LRRTM4: variants seen among roughly 807,000 people sequenced by gnomAD.
LRRTM4 encodes leucine rich repeat transmembrane neuronal 4, also known as leucine-rich repeat transmembrane neuronal protein 4.
LRRTM4 carries 25 observed loss-of-function variants against 47.6 expected under a neutral mutation model. That is an observed-to-expected ratio of 0.53 (90% CI 0.38 to 0.73). LRRTM4 has a LOEUF of 0.73. Ranked by LOEUF, LRRTM4 falls within the 30% of genes least tolerant of loss-of-function variation. The probability of loss-of-function intolerance (pLI) is 0.00; values close to 1 mark genes in which losing one functional copy is unlikely to be tolerated. For missense variants in LRRTM4, 638 were observed against 713.4 expected (o/e 0.89, Z 1.20); for synonymous variants, 311 against 269.5 (o/e 1.15, Z -1.51).
At chr2:77,095,380 G>A (rs1670778079) in intron 3 of LRRTM4, among the ~76,000 whole-genome samples, 1 of 152,020 alleles carries the variant, frequency 6.6e-6, no homozygotes, top group Admixed American at 6.6e-5. Flanking sequence ...ATTACCATAT[G>A]ATCCAGCAAT....
At chr2:77,083,295 G>A (rs1197606516) in intron 3 of LRRTM4, among the ~76,000 whole-genome samples, 2 of 152,074 alleles carry the variant, frequency 1.3e-5, no homozygotes, top group African/African-American at 4.8e-5. Context: ...TAAAAGCTTT[G>A]GGTTGAGCTC....
intron 3 of LRRTM4, among the ~76,000 whole-genome samples, chr2:77,161,501 A>G (rs1672727468): frequency 6.6e-6 from 1 of 152,152 alleles, no homozygotes; most frequent in African/African-American, 2.4e-5. Flanking sequence ...TTGTTGTCTC[A>G]GTGTTTGGCT....
intron 3 of LRRTM4, among the ~76,000 whole-genome samples, chr2:77,254,608 G>T (rs1451940740): frequency 1.3e-5 from 2 of 151,738 alleles, no homozygotes; most frequent in African/African-American, 4.8e-5. Context: ...GCCAAATGCG[G>T]TTCTCAATAA....
chr2:76,974,223 C>CACATATATAT lies in LRRTM4; in HGVS notation c.1552-225308_1552-225307insATATATATGT, dbSNP rs1553438779. On this transcript the variant is annotated intron_variant, in intron 3 of 3. Transcript: ENST00000409884. ...ATATATATATATACACATATATATA[C>CACATATATAT]ATACATATATATATATACATATATA... Among the ~76,000 whole-genome samples the CACATATATAT allele has an allele frequency of 6.4e-3, 740 of 115,962 alleles. 8 individuals carry two copies. The highest frequency in any genetic ancestry group is 0.036 in the Middle Eastern group (8 of 222). The allele number at this position is 115,962 out of a possible 152,430, so 76.1% of individuals were successfully genotyped here. A position where few individuals can be genotyped will look rare whatever the true frequency, so the allele number is the denominator to read the frequency against.
intron 3 of LRRTM4, among the ~76,000 whole-genome samples, chr2:77,239,176 A>C (rs191549773): frequency 6.6e-6 from 1 of 152,118 alleles, no homozygotes; most frequent in Non-Finnish European, 1.5e-5. Context: ...AAGATATGGT[A>C]GGTTTATTGT....
At chr2:76,896,423 C>T (rs1015074584) in intron 3 of LRRTM4, among the ~76,000 whole-genome samples, 1 of 151,948 alleles carries the variant, frequency 6.6e-6, no homozygotes, top group Non-Finnish European at 1.5e-5. Flanking sequence ...TTCTACTTGA[C>T]CCTGATCCAG....
intron 3 of LRRTM4, among the ~76,000 whole-genome samples, chr2:77,511,886 A>C (rs5007084): frequency 0.57 from 87,359 of 151,940 alleles, 25,773 homozygotes; most frequent in Non-Finnish European, 0.64. Flanking sequence ...CTGTCATTTC[A>C]TTCCTCAAAC....
intron 3 of LRRTM4, among the ~76,000 whole-genome samples, chr2:76,777,696 C>T (rs1468282102): frequency 2.0e-5 from 3 of 150,360 alleles, no homozygotes; most frequent in Admixed American, 6.6e-5. Flanking sequence ...ACAATCATGT[C>T]GTCTGCAAAC....
At chr2:77,109,471 A>C (rs1421132042) in intron 3 of LRRTM4, among the ~76,000 whole-genome samples, 1 of 152,188 alleles carries the variant, frequency 6.6e-6, no homozygotes, top group East Asian at 1.9e-4. Context: ...ATTGATTTGG[A>C]GACTGAATTT....
At chr2:77,084,707 A>G (rs554735254) in intron 3 of LRRTM4, among the ~76,000 whole-genome samples, 1 of 152,294 alleles carries the variant, frequency 6.6e-6, no homozygotes, top group African/African-American at 2.4e-5. Flanking sequence ...TGGTGTCATC[A>G]TGAGATAGTT....
intron 3 of LRRTM4, among the ~76,000 whole-genome samples, chr2:77,394,626 A>C (rs1004285568): frequency 6.6e-6 from 1 of 151,956 alleles, no homozygotes; most frequent in African/African-American, 2.4e-5. Flanking sequence ...CACATACACA[A>C]CAAGTTACAG....
At chr2:76,771,363 T>C (rs1458953459) in intron 3 of LRRTM4, among the ~76,000 whole-genome samples, 3 of 152,050 alleles carry the variant, frequency 2.0e-5, no homozygotes. Context: ...AAGAAAACAA[T>C]GGCTGACTCA....
intron 3 of LRRTM4, among the ~76,000 whole-genome samples, chr2:77,487,342 G>A (rs1394132503): frequency 6.6e-6 from 1 of 152,150 alleles, no homozygotes; most frequent in Non-Finnish European, 1.5e-5. Context: ...GGCTTCTCCC[G>A]ACTCCCAGTA....
chr2:77,408,589 G>A (rs1674300437), intron 3 of LRRTM4, among the ~76,000 whole-genome samples: 1 of 152,104 alleles, frequency 6.6e-6, no homozygotes, highest in South Asian at 2.1e-4. Flanking sequence ...AGTAATTACA[G>A]CAACTGGACC....
At chr2:77,437,295 T>G (rs1388533389) in intron 3 of LRRTM4, among the ~76,000 whole-genome samples, 1 of 152,044 alleles carries the variant, frequency 6.6e-6, no homozygotes, top group African/African-American at 2.4e-5. Flanking sequence ...CATGAGAAAT[T>G]TTAAATATGC....
chr2:77,306,990 C>T (rs1344456232), intron 3 of LRRTM4, among the ~76,000 whole-genome samples: 1 of 146,930 alleles, frequency 6.8e-6, no homozygotes, highest in Non-Finnish European at 1.5e-5. Flanking sequence ...AGCTCCGCCT[C>T]CCGGGTTCAC....
chr2:77,146,664 C>T (rs1376467137), intron 3 of LRRTM4, among the ~76,000 whole-genome samples: 2 of 152,074 alleles, frequency 1.3e-5, no homozygotes, highest in Non-Finnish European at 2.9e-5. Flanking sequence ...AGGTGAAATG[C>T]AGATATTCCA....
chr2:76,895,588 C>G (rs1673386441), intron 3 of LRRTM4, among the ~76,000 whole-genome samples: 1 of 152,008 alleles, frequency 6.6e-6, no homozygotes, highest in Non-Finnish European at 1.5e-5. Context: ...TTAAATATTC[C>G]TCTACTTTTA....
intron 3 of LRRTM4, among the ~76,000 whole-genome samples, chr2:76,913,303 C>A (rs1300880247): frequency 1.3e-5 from 2 of 150,926 alleles, no homozygotes; most frequent in African/African-American, 4.9e-5. Context: ...AAGCTTATTA[C>A]TGGGTATTTT....
Sources: allele counts gnomAD v4.1 joint callset (sites outside exome capture counted in the v4.1 genomes callset), GRCh38; gene constraint gnomAD v4.1.1; transcripts MANE v1.5; gene names NCBI Gene and HGNC (gene_info 2026-07-23, HGNC 2026-07-21).